WFS1: variants seen among roughly 807,000 people sequenced by gnomAD.
The protein encoded by WFS1 is wolframin.
WFS1 carries 90 observed loss-of-function variants against 68.5 expected under a neutral mutation model. The ratio of observed to expected loss-of-function variants is 1.31; its 90% CI spans 1.11 to 1.56. The LOEUF is 1.56. Ranked by LOEUF, WFS1 falls within the 40% of genes most tolerant of loss-of-function variation. The pLI is 0.00. For synonymous variants in WFS1, 860 were observed against 540.7 expected, an observed-to-expected ratio of 1.59 and a Z score of -8.19; for missense variants, 1,767 against 1,232.6, an observed-to-expected ratio of 1.43 and a Z score of -6.49.
At chr4:6,300,281 C>G (rs1261945356) in intron 7 of WFS1, among the ~76,000 whole-genome samples, 1 of 152,164 alleles carries the variant, frequency 6.6e-6, no homozygotes. Flanking sequence ...ACAGGCATCT[C>G]AGGGCTCCGT....
rs753237278 is a variant in WFS1 at position 6,301,479 on chromosome 4, G to A, written c.1684G>A (p.Gly562Ser). The change falls in exon 8 of 8, where the codon GGC becomes AGC. Residue 562 changes from glycine to serine, a missense_variant. Physicochemically the swap from Gly to Ser is moderately conservative, Grantham distance 56. Coordinates refer to ENST00000226760, the MANE Select transcript of WFS1 (RefSeq NM_006005.3). Reference sequence around the variant, plus strand: ...CCTGGGGCTGCTCCGCGCCTCCATCGGCTACTTCCTCTTCCTCTTTGCCCT... The same window carrying A: ...CCTGGGGCTGCTCCGCGCCTCCATCAGCTACTTCCTCTTCCTCTTTGCCCT... ...TGLGLLRASI[G>S]YFLFLFALPI... The A allele has an allele frequency of 4.7e-5, 76 of 1,612,908 alleles. No individual in the cohort carries two copies. Among genetic ancestry groups the A allele is most frequent in the South Asian group, 1.2e-4 (11 of 91,082 alleles).
intron 3 of WFS1, 71 bp from the exon 4 acceptor site, chr4:6,288,916 G>A: frequency 6.4e-7 from 1 of 1,570,876 alleles, no homozygotes; most frequent in Non-Finnish European, 8.6e-7. Context: ...GTGAAAGGAG[G>A]TGGGCTGGCA....
At chr4:6,273,479 G>A (rs1435228329) in intron 1 of WFS1, among the ~76,000 whole-genome samples, 1 of 152,208 alleles carries the variant, frequency 6.6e-6, no homozygotes, top group Non-Finnish European at 1.5e-5. Context: ...GGAGATGCCT[G>A]GATGCTGGGG....
rs535101042 is a variant in WFS1, at chr4:6,276,370, G to A, written c.-5-1081G>A. 3.1e-4 allele frequency among the ~76,000 whole-genome samples: 47 copies of A among 152,334 alleles called. No homozygotes were observed. In the East Asian group the frequency reaches 8.7e-3, roughly 28 times the overall value. On this transcript the variant is annotated intron_variant, in intron 1 of 7. Coordinates refer to ENST00000226760, the MANE Select transcript of WFS1 (RefSeq NM_006005.3). Reference sequence around the variant, plus strand: ...TGCTAAGCAGCATGTGAGGGCCTCTGTTGAATAAAATAAAGCCCTTGCTCC... The same window carrying A: ...TGCTAAGCAGCATGTGAGGGCCTCTATTGAATAAAATAAAGCCCTTGCTCC...
At chr4:6,292,058 TCTC>T in intron 6 of WFS1, 61 bp downstream of exon 6, 1 of 1,503,288 alleles carries the variant, frequency 6.7e-7, no homozygotes. Flanking sequence ...CAGGGCGACC[TCTC>T]CTTCCTGTGC....
chr4:6,300,582 G>C (rs1730842054), intron 7 of WFS1, 75 bp from the exon 8 acceptor site: 1 of 1,601,982 alleles, frequency 6.2e-7, no homozygotes, highest in Admixed American at 1.7e-5. Context: ...AGGCAGGGTG[G>C]TCAGAGGGAG....
chr4:6,298,823 T>C (rs1730729972), intron 7 of WFS1, among the ~76,000 whole-genome samples: 1 of 152,236 alleles, frequency 6.6e-6, no homozygotes, highest in Admixed American at 6.5e-5. Flanking sequence ...GCCATTCACC[T>C]GGGATCCCTC....
chr4:6,302,063 C>T lies in WFS1; in HGVS notation c.2268C>T (p.Arg756=). 1 of 1,612,898 alleles carries T rather than the reference C, an allele frequency of 6.2e-7. No homozygotes were observed. The highest frequency in any genetic ancestry group is 8.5e-7 in the Non-Finnish European group (1 of 1,180,018). The part of the protein sequence containing the change: ...NTSTAEEELC[R]LKLLAKHPCH... ...CCACGGCCGAGGAGGAGCTCTGTCG[C>T]CTTAAGCTGCTGGCCAAGCACCCCT... is the stretch of plus-strand genomic sequence containing the variant. Residue 756 remains arginine, a synonymous_variant, in exon 8 of 8, where the codon CGC becomes CGT. Transcript: ENST00000226760.
chr4:6,300,543 A>G, intron 7 of WFS1, 114 bp from the exon 8 acceptor site: 1 of 1,500,852 alleles, frequency 6.7e-7, no homozygotes, highest in South Asian at 1.2e-5. Context: ...TGATGGGAAA[A>G]CGCAAGGGTG....
rs1428184639 is a variant in WFS1, at chr4:6,293,919, C to T, written c.713-1122C>T. Among the ~76,000 whole-genome samples, 7 of 152,210 alleles carry T rather than the reference C, an allele frequency of 4.6e-5. No individual in the cohort carries two copies. The East Asian group carries it at 1.2e-3, about 25-fold the overall frequency. On this transcript the variant is annotated intron_variant, in intron 6 of 7. Transcript: ENST00000226760. ...CCACATCTCCTGTACCTGGCTGTCC[C>T]ATGGTCACCTCACAGCTCAGTCTAC...
intron 1 of WFS1, among the ~76,000 whole-genome samples, chr4:6,271,900 C>T (rs1434977175): frequency 6.6e-6 from 1 of 152,222 alleles, no homozygotes; most frequent in Non-Finnish European, 1.5e-5. Flanking sequence ...CTCAGCCTCT[C>T]CCTCCTGTGT....
intron 2 of WFS1, among the ~76,000 whole-genome samples, chr4:6,278,628 CCTT>C (rs1263776556): frequency 6.6e-6 from 1 of 152,250 alleles, no homozygotes; most frequent in African/African-American, 2.4e-5. Context: ...GTCCAGGTTT[CCTT>C]CTTGTCCCAG....
At position 6,287,071 on chromosome 4, in the gene WFS1, G is replaced by GT; in HGVS notation, c.233-19dup. The GT allele has an allele frequency of 6.4e-7, 1 of 1,551,464 alleles. No individual in the cohort carries two copies. Among genetic ancestry groups the GT allele is most frequent in the South Asian group, 1.2e-5 (1 of 84,150 alleles). Reference sequence around the variant, plus strand: ...CAAAGTCTGGCTTTGTGACATGTGTGTTTGTTTCTTCTGTGTTAAAGGGCC... The same window carrying GT: ...CAAAGTCTGGCTTTGTGACATGTGTGTTTTGTTTCTTCTGTGTTAAAGGGCC... On this transcript the variant is annotated intron_variant, in intron 2 of 7. Coordinates refer to ENST00000226760, the MANE Select transcript of WFS1 (RefSeq NM_006005.3). This position sits in a 1 kb window ranked among gnomAD's most constrained non-coding sequence, Gnocchi z 6.4.
Position 6,277,570 on chromosome 4 carries a change from GA to G in WFS1, c.118del (p.Arg40GlyfsTer103). On this transcript the variant is annotated frameshift_variant, in exon 2 of 8. Transcript: ENST00000226760. LOFTEE classifies it high-confidence loss of function. ...ATASLEQERS[E>X]RPRAPGPQAG... The stretch of plus-strand genomic sequence containing the variant: ...AGCCTCGTTGGAGCAGGAGAGGAGC[GA>G]AAGGCCCCGAGCACCCGGACCCCAG... 1 of 1,586,222 alleles carries G rather than the reference GA, an allele frequency of 6.3e-7. No homozygotes were observed. Among genetic ancestry groups the G allele is most frequent in the Non-Finnish European group, 8.6e-7 (1 of 1,166,794 alleles).
chr4:6,277,120 G>T (rs904889950), intron 1 of WFS1, among the ~76,000 whole-genome samples: 13 of 152,248 alleles, frequency 8.5e-5, no homozygotes, highest in African/African-American at 3.1e-4. Context: ...TCTGGGTGTT[G>T]CTATCATCAT....
At chr4:6,300,269 A>C (rs922761721) in intron 7 of WFS1, among the ~76,000 whole-genome samples, 3 of 152,140 alleles carry the variant, frequency 2.0e-5, no homozygotes, top group Non-Finnish European at 2.9e-5. Context: ...ACCAGCTCCC[A>C]GACAGGCATC....
rs764089070 is a variant in WFS1 at position 6,277,510 on chromosome 4, C to G, written c.55C>G (p.Pro19Ala). The G allele has an allele frequency of 6.3e-7, 1 of 1,580,816 alleles. No individual in the cohort carries two copies. The highest frequency in any genetic ancestry group is 8.6e-7 in the Non-Finnish European group (1 of 1,164,104). ...GPSCPQPPPAPQPQARSRLNA... is the reference protein window; with the variant it reads ...GPSCPQPPPAAQPQARSRLNA... ...CTCCTGCCCACAGCCCCCGCCAGCA[C>G]CGCAGCCCCAGGCGCGTTCCCGACT... is the stretch of plus-strand genomic sequence containing the variant. Residue 19 changes from proline (P) to alanine (A), a missense_variant, in exon 2 of 8, where the codon CCG becomes GCG. Coordinates refer to ENST00000226760, the MANE Select transcript of WFS1 (RefSeq NM_006005.3).
At chr4:6,277,302 G>C in intron 1 of WFS1, 149 bp from the exon 2 acceptor site, 1 of 766,084 alleles carries the variant, frequency 1.3e-6, no homozygotes. Context: ...GCTGGCCCAT[G>C]GGGACTGTAC....
intron 1 of WFS1, among the ~76,000 whole-genome samples, chr4:6,273,686 CAGAG>C (rs1404935847): frequency 5.9e-5 from 9 of 152,340 alleles, no homozygotes; most frequent in African/African-American, 1.9e-4. Flanking sequence ...CAGGAAGACT[CAGAG>C]AGGGAAGGAC....
Sources: allele counts gnomAD v4.1 joint callset (sites outside exome capture counted in the v4.1 genomes callset), GRCh38; gene constraint gnomAD v4.1.1; non-coding constraint Gnocchi (gnomAD v3.1); transcripts MANE v1.5; gene names NCBI Gene and HGNC (gene_info 2026-07-23, HGNC 2026-07-21).